The following UBASH3B variants were observed in gnomAD, a reference collection of about 807,000 sequenced individuals.
The protein encoded by UBASH3B is ubiquitin-associated and SH3 domain-containing protein B.
Under a neutral mutation model 83.4 loss-of-function variants are expected in UBASH3B, and 37 were observed. That is an observed-to-expected ratio of 0.44 (90% CI 0.34 to 0.58). UBASH3B has a LOEUF of 0.58. UBASH3B is among the 20% of genes least tolerant of loss of function. The probability of loss-of-function intolerance (pLI) is 0.01; values close to 1 mark genes in which losing one functional copy is unlikely to be tolerated. For synonymous variants in UBASH3B, 304 were observed against 318.3 expected, an observed-to-expected ratio of 0.96 and a Z score of 0.48; for missense variants, 657 against 827.2, an observed-to-expected ratio of 0.79 and a Z score of 2.52.
At chr11:122,772,206 G>A (rs887468478) in intron 1 of UBASH3B, among the ~76,000 whole-genome samples, 2 of 152,180 alleles carry the variant, frequency 1.3e-5, no homozygotes, top group African/African-American at 4.8e-5. Flanking sequence ...TCCCCACTAC[G>A]GAGGTGGGCC....
At chr11:122,725,476 C>G (rs1283663419) in intron 1 of UBASH3B, among the ~76,000 whole-genome samples, 1 of 152,016 alleles carries the variant, frequency 6.6e-6, no homozygotes, top group African/African-American at 2.4e-5. Context: ...AAATGTGGTG[C>G]TGATTCAGCC....
chr11:122,797,672 C>T (rs543211444), intron 9 of UBASH3B, among the ~76,000 whole-genome samples: 2 of 152,092 alleles, frequency 1.3e-5, no homozygotes, highest in Non-Finnish European at 2.9e-5. Flanking sequence ...ATGCATAGAG[C>T]TATGCATGGT....
intron 6 of UBASH3B, among the ~76,000 whole-genome samples, chr11:122,791,390 G>T (rs1861050936): frequency 6.6e-6 from 1 of 152,168 alleles, no homozygotes; most frequent in Non-Finnish European, 1.5e-5. Flanking sequence ...TAAGGTTGTT[G>T]GGAAGACTGC....
intron 1 of UBASH3B, among the ~76,000 whole-genome samples, chr11:122,713,489 G>C (rs1011376362): frequency 6.6e-6 from 1 of 152,168 alleles, no homozygotes; most frequent in African/African-American, 2.4e-5. Context: ...TATGGAAATA[G>C]AAGATATATT....
chr11:122,780,722 C>T (rs1372939413), intron 4 of UBASH3B, among the ~76,000 whole-genome samples: 1 of 152,160 alleles, frequency 6.6e-6, no homozygotes, highest in Admixed American at 6.5e-5. Context: ...TGCAGGCGGG[C>T]GGGTGGCAGG....
At chr11:122,776,989 A>G in intron 2 of UBASH3B, 35 bp from the exon 3 acceptor site, 1 of 1,537,256 alleles carries the variant, frequency 6.5e-7, no homozygotes, top group South Asian at 1.2e-5. Flanking sequence ...CATTATTCTC[A>G]AGCGACACCT....
chr11:122,659,550 A>G (rs569559418), intron 1 of UBASH3B, among the ~76,000 whole-genome samples: 2 of 152,200 alleles, frequency 1.3e-5, no homozygotes, highest in Non-Finnish European at 2.9e-5. Flanking sequence ...GCTTCAGAGA[A>G]CAGGCATTTA....
chr11:122,783,261 G>A, intron 5 of UBASH3B, 39 bp downstream of exon 5: 1 of 1,601,970 alleles, frequency 6.2e-7, no homozygotes, highest in Non-Finnish European at 8.5e-7. Flanking sequence ...ACCAGGTGCA[G>A]GGATGCAATC....
At chr11:122,798,850 A>G (rs1340168346) in intron 9 of UBASH3B, 92 bp from the exon 10 acceptor site, 2 of 935,994 alleles carry the variant, frequency 2.1e-6, no homozygotes, top group African/African-American at 3.3e-5. Context: ...AGGGGTTTAC[A>G]GGAGCTTACT....
In UBASH3B at chr11:122,721,375, G is replaced by C. The variant is rs543857620; in HGVS notation, c.162-54844G>C. Among the ~76,000 whole-genome samples the C allele has an allele frequency of 2.2e-3, 333 of 152,216 alleles. 1 individual carries two copies. Among genetic ancestry groups the C allele is most frequent in the African/African-American group, 7.1e-3 (297 of 41,540 alleles). ...TAAGCAAATCTTCCACAGCACTACG[G>C]GGGGGTGGGAGTGGGAATGTGGTGG... On this transcript the variant is annotated intron_variant, in intron 1 of 13. Coordinates refer to ENST00000284273, the MANE Select transcript of UBASH3B (RefSeq NM_032873.5).
At chr11:122,666,887 A>C in intron 1 of UBASH3B, among the ~76,000 whole-genome samples, 1 of 150,242 alleles carries the variant, frequency 6.7e-6, no homozygotes, top group Non-Finnish European at 1.5e-5. Flanking sequence ...CACTCTCCTC[A>C]TCTCTTCTGC....
At chr11:122,752,548 G>A (rs1482523676) in intron 1 of UBASH3B, among the ~76,000 whole-genome samples, 1 of 152,228 alleles carries the variant, frequency 6.6e-6, no homozygotes, top group Non-Finnish European at 1.5e-5. Flanking sequence ...AGCTTCCTAA[G>A]CAAACAGGGC....
At chr11:122,779,380 T>C in intron 3 of UBASH3B, 117 bp from the exon 4 acceptor site, 2 of 1,086,958 alleles carry the variant, frequency 1.8e-6, no homozygotes, top group Non-Finnish European at 2.8e-6. Context: ...GGGTAGTGGT[T>C]AAGTAATTGC....
At position 122,810,976 on chromosome 11, in the gene UBASH3B, A is replaced by G. The variant is rs1465503018; in HGVS notation, c.*1090A>G. 6.6e-6 allele frequency: 1 copy of G among 152,276 alleles called. No individual in the cohort carries two copies. The highest frequency in any genetic ancestry group is 1.5e-5 in the Non-Finnish European group (1 of 68,028). 9.4% of individuals were successfully genotyped at this position (152,276 alleles called of 1,614,324 possible). ...ATGTATAGTAAGTCAGGGAACTAAT[A>G]TAAATGATGACAGTCATGGCTGCAC... On this transcript the variant is annotated 3_prime_UTR_variant, in exon 14 of 14. Transcript: ENST00000284273.
intron 1 of UBASH3B, among the ~76,000 whole-genome samples, chr11:122,774,764 T>C (rs1860704011): frequency 6.6e-6 from 1 of 152,160 alleles, no homozygotes; most frequent in Non-Finnish European, 1.5e-5. Context: ...GGTCAGACAC[T>C]GTCCAAGGCT....
Position 122,656,197 on chromosome 11 carries a change from C to T in UBASH3B, c.148C>T (p.Pro50Ser). 1.3e-6 allele frequency: 2 copies of T among 1,485,026 alleles called. No individual in the cohort carries two copies. Among genetic ancestry groups the T allele is most frequent in the East Asian group, 2.9e-5 (1 of 34,240 alleles). The allele number at this position is 1,485,026 out of a possible 1,614,324, so 92.0% of individuals were successfully genotyped here. ...GGACGTGCTCCTCTCCATGGGGTTC[C>T]CCAGAGCCCGCGCGTAAGTGGCCGG... Reference protein sequence around the residue: ...ALDVLLSMGFPRARAQKALAS... With the variant: ...ALDVLLSMGFSRARAQKALAS... Residue 50 changes from proline (P) to serine (S), a missense_variant, in exon 1 of 14, where the codon CCC (proline) becomes TCC (serine). Pro to Ser is a moderately conservative substitution (Grantham distance 74). Coordinates refer to ENST00000284273, the MANE Select transcript of UBASH3B (RefSeq NM_032873.5).
intron 1 of UBASH3B, among the ~76,000 whole-genome samples, chr11:122,660,281 TG>T (rs2135888882): frequency 6.6e-6 from 1 of 152,244 alleles, no homozygotes; most frequent in Admixed American, 6.5e-5. Flanking sequence ...TGTGTGTGCG[TG>T]TGCGCTCGTG....
At chr11:122,761,779 CTTTTTTTTTTTTTTTT>C (rs138806467) in intron 1 of UBASH3B, among the ~76,000 whole-genome samples, 2 of 65,380 alleles carry the variant, frequency 3.1e-5, no homozygotes, top group Admixed American at 2.0e-4. Flanking sequence ...CTCCCAGATC[CTTTTTTTTTTTTTTTT>C]TTTTTTTTTT....
chr11:122,794,008 A>G (rs1247394573), intron 6 of UBASH3B, among the ~76,000 whole-genome samples: 2 of 152,186 alleles, frequency 1.3e-5, no homozygotes, highest in African/African-American at 4.8e-5. Flanking sequence ...TATTAAAGGC[A>G]ACAGGGATCG....
Sources: gnomAD v4.1 joint callset for allele counts (sites outside exome capture counted in the v4.1 genomes callset) on GRCh38, gnomAD v4.1.1 for gene constraint, MANE v1.5 for transcripts, NCBI Gene and HGNC (gene_info 2026-07-23, HGNC 2026-07-21) for gene names.